LAMC1: variants seen among roughly 807,000 people sequenced by gnomAD.
LAMC1 encodes the protein laminin subunit gamma-1.
Under a neutral mutation model 173.6 loss-of-function variants are expected in LAMC1, and 38 were observed. That is an observed-to-expected ratio of 0.22 (90% CI 0.17 to 0.29). The LOEUF (loss-of-function observed/expected upper bound fraction) is 0.29, where lower values mean the gene tolerates loss of function less well. LAMC1 is among the 10% of genes least tolerant of loss of function. The probability of loss-of-function intolerance (pLI) is 1.00; values close to 1 mark genes in which losing one functional copy is unlikely to be tolerated. For synonymous variants in LAMC1, 746 were observed against 749.1 expected, an observed-to-expected ratio of 1.00 and a Z score of 0.07; for missense variants, 1,824 against 2,051.8, an observed-to-expected ratio of 0.89 and a Z score of 2.14.
At position 183,137,563 on chromosome 1, in the gene LAMC1, C is replaced by G. The variant is rs925618384; in HGVS notation, c.4315-106C>G. 8 of 589,752 alleles carry G rather than the reference C, an allele frequency of 1.4e-5. No homozygotes were observed. In the Admixed American group the frequency reaches 1.6e-4, roughly 11 times the overall value. The allele number at this position is 589,752 out of a possible 1,614,324, so 36.5% of individuals were successfully genotyped here. On this transcript the variant is annotated intron_variant, in intron 25 of 27. Coordinates refer to ENST00000258341, the MANE Select transcript of LAMC1 (RefSeq NM_002293.4). ...AGTATAAATCAATATATTATTATTT[C>G]TGGATTATATTTTTAAGACATTTTA...
In LAMC1 at chr1:183,090,558, C is replaced by T. The variant is rs879033720; in HGVS notation, c.419-12770C>T. Among the ~76,000 whole-genome samples, 8 of 152,142 alleles carry T rather than the reference C, an allele frequency of 5.3e-5. No individual in the cohort carries two copies. The East Asian group carries it at 7.7e-4, about 15-fold the overall frequency. Reference sequence around the variant, plus strand: ...AGAGTGCCAGCTGGCAGGGTACTTGCGTGATGTAAATTGTCCATCCGCTCA... The same window carrying T: ...AGAGTGCCAGCTGGCAGGGTACTTGTGTGATGTAAATTGTCCATCCGCTCA... On this transcript the variant is annotated intron_variant, in intron 1 of 27. Coordinates refer to ENST00000258341, the MANE Select transcript of LAMC1 (RefSeq NM_002293.4).
chr1:183,122,566 C>T (rs1656506191), intron 13 of LAMC1, among the ~76,000 whole-genome samples: 1 of 152,144 alleles, frequency 6.6e-6, no homozygotes, highest in African/African-American at 2.4e-5. Context: ...ATTTCCAGCC[C>T]TGGCACCTCT....
chr1:183,062,652 A>G (rs890924592), intron 1 of LAMC1, among the ~76,000 whole-genome samples: 1 of 152,050 alleles, frequency 6.6e-6, no homozygotes, highest in Admixed American at 6.6e-5. Flanking sequence ...CTAAAAAAAT[A>G]AAAAACTTTT....
chr1:183,122,023 T>C lies in LAMC1; in HGVS notation c.2213-40T>C, dbSNP rs113208467. The C allele has an allele frequency of 5.0e-3, 8,088 of 1,609,352 alleles. 388 individuals are homozygous for C. In the African/African-American group the frequency reaches 0.096, roughly 19 times the overall value. On this transcript the variant is annotated intron_variant, in intron 12 of 27. Coordinates refer to ENST00000258341, the MANE Select transcript of LAMC1 (RefSeq NM_002293.4). The stretch of plus-strand genomic sequence containing the variant: ...GAAAGTGCTCATTGTCTTATATACT[T>C]GTACATTTGCCTGTTTTCTCACGCC...
chr1:183,116,617 A>G lies in LAMC1; in HGVS notation c.1369A>G (p.Asn457Asp), dbSNP rs770292137. The G allele has an allele frequency of 3.1e-6, 5 of 1,613,264 alleles. No homozygotes were observed. Among genetic ancestry groups the G allele is most frequent in the South Asian group, 2.2e-5 (2 of 91,018 alleles). ...CDPSGSIDECNIETGRCVCKD... is the reference protein window; with the variant it reads ...CDPSGSIDECDIETGRCVCKD... ...TCCCTCTGGCAGCATAGATGAATGT[A>G]ATATTGAAACAGGAAGATGTGTTTG... is the stretch of plus-strand genomic sequence containing the variant. The change falls in exon 7 of 28, where the codon AAT becomes GAT. Residue 457 changes from asparagine (N) to aspartate (D), a missense_variant. Transcript: ENST00000258341.
At chr1:183,066,697 A>G (rs537123695) in intron 1 of LAMC1, among the ~76,000 whole-genome samples, 1 of 152,322 alleles carries the variant, frequency 6.6e-6, no homozygotes, top group East Asian at 1.9e-4. Flanking sequence ...CAGCAAACTA[A>G]CACAGGAACA....
At chr1:183,061,053 G>C (rs1455628052) in intron 1 of LAMC1, among the ~76,000 whole-genome samples, 1 of 152,132 alleles carries the variant, frequency 6.6e-6, no homozygotes, top group African/African-American at 2.4e-5. Flanking sequence ...AGTAGGTTAA[G>C]TTATTGTAGC....
chr1:183,066,214 G>T (rs574017965), intron 1 of LAMC1, among the ~76,000 whole-genome samples: 16 of 152,228 alleles, frequency 1.1e-4, no homozygotes, highest in Non-Finnish European at 2.1e-4. Context: ...TTTTTTCTAA[G>T]AATGTTGTAA....
chr1:183,122,963 G>A (rs534553684), intron 13 of LAMC1, among the ~76,000 whole-genome samples: 1 of 152,166 alleles, frequency 6.6e-6, no homozygotes, highest in Admixed American at 6.5e-5. Flanking sequence ...CACTCTTCTC[G>A]CAGTTTCCTT....
At chr1:183,039,095 A>G (rs879917514) in intron 1 of LAMC1, among the ~76,000 whole-genome samples, 23 of 152,094 alleles carry the variant, frequency 1.5e-4, no homozygotes, top group Non-Finnish European at 2.4e-4. Context: ...TCATACCCCT[A>G]TTATGATGGT....
At chr1:183,055,884 A>G (rs1468723041) in intron 1 of LAMC1, among the ~76,000 whole-genome samples, 1 of 152,244 alleles carries the variant, frequency 6.6e-6, no homozygotes, top group Non-Finnish European at 1.5e-5. Flanking sequence ...GCAAGCATAC[A>G]ATTGATGATT....
intron 16 of LAMC1, among the ~76,000 whole-genome samples, chr1:183,126,594 G>T (rs1656626981): frequency 6.6e-6 from 1 of 152,182 alleles, no homozygotes; most frequent in African/African-American, 2.4e-5. Flanking sequence ...CATTCTTAGT[G>T]CAGATAATGA....
At chr1:183,080,544 C>T (rs1415267899) in intron 1 of LAMC1, among the ~76,000 whole-genome samples, 2 of 152,188 alleles carry the variant, frequency 1.3e-5, no homozygotes, top group Non-Finnish European at 2.9e-5. Context: ...ATTCCCTCAG[C>T]TGCAGCCTTG....
chr1:183,042,453 T>C (rs1571404565), intron 1 of LAMC1, among the ~76,000 whole-genome samples: 1 of 152,116 alleles, frequency 6.6e-6, no homozygotes, highest in Non-Finnish European at 1.5e-5. Flanking sequence ...AGCTGGGTGG[T>C]CTTGTGCCTG....
chr1:183,139,478 G>A (rs12064836), intron 26 of LAMC1, among the ~76,000 whole-genome samples: 3,485 of 152,260 alleles, frequency 0.023, 144 homozygotes, highest in African/African-American at 0.076. Context: ...TTTTACACTC[G>A]CAGACAAGCT....
chr1:183,103,565 A>T lies in LAMC1; in HGVS notation c.656A>T (p.Asn219Ile). 6.2e-7 allele frequency: 1 copy of T among 1,612,632 alleles called. No homozygotes were observed. The highest frequency in any genetic ancestry group is 1.1e-5 in the South Asian group (1 of 90,868). ...FSDISPLTGGNVAFSTLEGRP... is the reference protein window; with the variant it reads ...FSDISPLTGGIVAFSTLEGRP... ...GACATTTCTCCCCTCACTGGGGGCA[A>T]CGTGGCCTTTTCTACCCTGGAAGGA... The change falls in exon 2 of 28, where the codon AAC becomes ATC. Residue 219 changes from asparagine (N) to isoleucine (I), a missense_variant. Coordinates refer to ENST00000258341, the MANE Select transcript of LAMC1 (RefSeq NM_002293.4).
In LAMC1 at chr1:183,145,392, A is replaced by G. The variant is rs772645114; in HGVS notation, c.*2602A>G. ...AATGCTGGTTGACACAGGGATTATT[A>G]TACTGCTATTTTTCCCTGAATTTTT... is the stretch of plus-strand genomic sequence containing the variant. On this transcript the variant is annotated 3_prime_UTR_variant, in exon 28 of 28. Coordinates refer to ENST00000258341, the MANE Select transcript of LAMC1 (RefSeq NM_002293.4). 6.6e-6 allele frequency: 1 copy of G among 152,626 alleles called. No homozygotes were observed. The highest frequency in any genetic ancestry group is 1.5e-5 in the Non-Finnish European group (1 of 68,032). The allele number at this position is 152,626 out of a possible 1,614,324, so 9.5% of individuals were successfully genotyped here. A position where few individuals can be genotyped will look rare whatever the true frequency, so the allele number is the denominator to read the frequency against.
chr1:183,045,558 C>G (rs1654246478), intron 1 of LAMC1, among the ~76,000 whole-genome samples: 1 of 152,018 alleles, frequency 6.6e-6, no homozygotes, highest in African/African-American at 2.4e-5. Context: ...TAAGATTATA[C>G]TACACCTAAG....
chr1:183,047,510 G>A (rs959866287), intron 1 of LAMC1, among the ~76,000 whole-genome samples: 3 of 152,166 alleles, frequency 2.0e-5, no homozygotes, highest in African/African-American at 7.2e-5. Flanking sequence ...ATCTGAGAAA[G>A]GATTGCATTT....
Sources: allele counts gnomAD v4.1 joint callset (sites outside exome capture counted in the v4.1 genomes callset), GRCh38; gene constraint gnomAD v4.1.1; transcripts MANE v1.5; gene names NCBI Gene and HGNC (gene_info 2026-07-23, HGNC 2026-07-21).